ADAM23: variants seen among roughly 807,000 people sequenced by gnomAD.
ADAM23 encodes disintegrin and metalloproteinase domain-containing protein 23.
Under a neutral mutation model 120.1 loss-of-function variants are expected in ADAM23, and 33 were observed. The ratio of observed to expected loss-of-function variants is 0.27; its 90% CI spans 0.21 to 0.37. ADAM23 has a LOEUF of 0.37. Ranked by LOEUF, ADAM23 falls within the 10% of genes least tolerant of loss-of-function variation. The pLI, the probability that ADAM23 is intolerant of heterozygous loss-of-function variation, is 1.00. For synonymous variants in ADAM23, 367 were observed against 375.2 expected (o/e 0.98, Z 0.25); for missense variants, 862 against 1,058.2 (o/e 0.81, Z 2.57).
chr2:206,560,384 C>A (rs1474681805), intron 11 of ADAM23, among the ~76,000 whole-genome samples: 1 of 151,712 alleles, frequency 6.6e-6, no homozygotes, highest in African/African-American at 2.4e-5. Context: ...GGCCCTCCAG[C>A]CTTCATTACT....
At chr2:206,495,614 A>T (rs1696228428) in intron 3 of ADAM23, among the ~76,000 whole-genome samples, 1 of 152,224 alleles carries the variant, frequency 6.6e-6, no homozygotes, top group Non-Finnish European at 1.5e-5. Flanking sequence ...ATAACCAGCT[A>T]ACATCATAAT....
intron 3 of ADAM23, among the ~76,000 whole-genome samples, chr2:206,529,834 T>C (rs1425444257): frequency 6.6e-6 from 1 of 151,534 alleles, no homozygotes; most frequent in African/African-American, 2.4e-5. Flanking sequence ...TTTTTTGAGA[T>C]GGAGTCTCAC....
intron 3 of ADAM23, among the ~76,000 whole-genome samples, chr2:206,506,760 TCTTAA>T (rs1238766287): frequency 2.6e-5 from 4 of 152,232 alleles, no homozygotes; most frequent in African/African-American, 7.2e-5. Flanking sequence ...TGCATTTTTT[TCTTAA>T]CTTCTCTGCT....
intron 7 of ADAM23, among the ~76,000 whole-genome samples, 183 bp downstream of exon 7, chr2:206,547,684 T>C (rs754310878): frequency 7.2e-5 from 11 of 152,208 alleles, no homozygotes; most frequent in Non-Finnish European, 1.5e-4. Flanking sequence ...TCATTTCCAG[T>C]GCAGACTAAA....
intron 5 of ADAM23, among the ~76,000 whole-genome samples, chr2:206,542,961 A>G (rs1697322918): frequency 6.6e-6 from 1 of 152,178 alleles, no homozygotes; most frequent in African/African-American, 2.4e-5. Flanking sequence ...GTCCTATCTC[A>G]GAGTAATTTT....
intron 25 of ADAM23, among the ~76,000 whole-genome samples, chr2:206,611,833 C>T (rs1021819971): frequency 1.1e-4 from 17 of 152,244 alleles, no homozygotes; most frequent in African/African-American, 3.6e-4. Context: ...TTCTTTATAT[C>T]TGAGAGAGAG....
chr2:206,544,342 C>T (rs986631693), intron 6 of ADAM23, among the ~76,000 whole-genome samples: 8 of 152,070 alleles, frequency 5.3e-5, no homozygotes, highest in African/African-American at 1.9e-4. Flanking sequence ...ATCACATGCT[C>T]TAATAGTGTT....
chr2:206,445,506 C>G lies in ADAM23; in HGVS notation c.414C>G (p.His138Gln), dbSNP rs767887528. Residue 138 changes from histidine (H) to glutamine (Q), a missense_variant, in exon 2 of 26, where the codon CAC (histidine) becomes CAG (glutamine). Coordinates refer to ENST00000264377, the MANE Select transcript of ADAM23 (RefSeq NM_003812.4). ...ACGTTCTTGACACAAAGGCAAGACA[C>G]CAGCAAAAACATAATAAGGTAGGCA... is the stretch of plus-strand genomic sequence containing the variant. ...PYHVLDTKAR[H>Q]QQKHNKAVHL... 1.9e-5 allele frequency: 30 copies of G among 1,613,032 alleles called. No homozygotes were observed. The highest frequency in any genetic ancestry group is 2.5e-5 in the Non-Finnish European group (30 of 1,179,696).
intron 25 of ADAM23, among the ~76,000 whole-genome samples, chr2:206,613,311 G>A (rs539213873): frequency 8.8e-4 from 134 of 152,182 alleles, no homozygotes; most frequent in Middle Eastern, 3.4e-3. Context: ...CGCCAGACTC[G>A]GCCTCCCAAA....
intron 3 of ADAM23, among the ~76,000 whole-genome samples, chr2:206,482,805 A>G (rs1343551358): frequency 1.3e-5 from 2 of 152,204 alleles, no homozygotes; most frequent in Admixed American, 6.5e-5. Flanking sequence ...GGCAGCTCTC[A>G]GGCTGGAGGA....
intron 2 of ADAM23, among the ~76,000 whole-genome samples, chr2:206,451,826 G>A (rs746510119): frequency 1.4e-4 from 22 of 152,170 alleles, no homozygotes; most frequent in Admixed American, 3.9e-4. Context: ...ATATCAAACT[G>A]TAAGTCCTAG....
intron 24 of ADAM23, among the ~76,000 whole-genome samples, chr2:206,599,989 C>T (rs1230637658): frequency 6.6e-6 from 1 of 152,188 alleles, no homozygotes; most frequent in African/African-American, 2.4e-5. Flanking sequence ...ATCACAAGGT[C>T]AGGAGATCGA....
At chr2:206,587,795 G>A (rs1437875867) in intron 19 of ADAM23, among the ~76,000 whole-genome samples, 1 of 152,108 alleles carries the variant, frequency 6.6e-6, no homozygotes, top group African/African-American at 2.4e-5. Context: ...CACAAAAGAA[G>A]CTAAAAATCA....
rs750355646 is a variant in ADAM23, at chr2:206,571,708, C to T, written c.1567-19C>T. ...GCAGGTAAGGCTCTTCGCTTACTCACGTGAAGTGTTTTCTCTAGGAATGCT... is the reference window on the plus strand; with the variant it reads ...GCAGGTAAGGCTCTTCGCTTACTCATGTGAAGTGTTTTCTCTAGGAATGCT... On this transcript the variant is annotated intron_variant, in intron 16 of 25. Coordinates refer to ENST00000264377, the MANE Select transcript of ADAM23 (RefSeq NM_003812.4). 26 of 1,601,318 alleles carry T rather than the reference C, an allele frequency of 1.6e-5. No homozygotes were observed. The highest frequency in any genetic ancestry group is 6.7e-5 in the Admixed American group (4 of 59,992).
intron 3 of ADAM23, among the ~76,000 whole-genome samples, chr2:206,497,617 A>G (rs1206699134): frequency 6.6e-6 from 1 of 151,922 alleles, no homozygotes; most frequent in African/African-American, 2.4e-5. Flanking sequence ...CTCTCTCACC[A>G]CTCCTATTCA....
chr2:206,557,630 A>G, intron 10 of ADAM23, 132 bp downstream of exon 10: 2 of 826,452 alleles, frequency 2.4e-6, no homozygotes, highest in Non-Finnish European at 2.0e-6. Flanking sequence ...CTAAGGAATT[A>G]TAGGATGGTC....
At chr2:206,506,631 A>G (rs769289652) in intron 3 of ADAM23, among the ~76,000 whole-genome samples, 1 of 152,158 alleles carries the variant, frequency 6.6e-6, no homozygotes, top group Non-Finnish European at 1.5e-5. Flanking sequence ...GTATTTCCAT[A>G]TTGAGGTAAA....
intron 10 of ADAM23, 108 bp downstream of exon 10, chr2:206,557,606 T>C: frequency 9.7e-7 from 1 of 1,030,540 alleles, no homozygotes; most frequent in Non-Finnish European, 1.5e-6. Flanking sequence ...AACACAATCC[T>C]GAAGCTCATC....
intron 25 of ADAM23, among the ~76,000 whole-genome samples, chr2:206,611,685 G>A (rs891009467): frequency 2.6e-5 from 4 of 152,172 alleles, no homozygotes; most frequent in African/African-American, 9.7e-5. Flanking sequence ...AGTGTTTCGA[G>A]AGAAGAGCAC....
Sources: allele counts gnomAD v4.1 joint callset (sites outside exome capture counted in the v4.1 genomes callset), GRCh38; gene constraint gnomAD v4.1.1; transcripts MANE v1.5; gene names NCBI Gene and HGNC (gene_info 2026-07-23, HGNC 2026-07-21).